Variants in MCC observed in about 807,000 individuals in gnomAD.
MCC encodes the protein colorectal mutant cancer protein.
MCC carries 90 observed loss-of-function variants against 116.2 expected under a neutral mutation model. That is an observed-to-expected ratio of 0.77 (90% confidence interval 0.65 to 0.92). The LOEUF is 0.92. MCC is among the 40% of genes least tolerant of loss of function. The pLI is 0.00. For synonymous variants in MCC, 578 were observed against 510.5 expected (o/e 1.13, Z -1.78); for missense variants, 1,516 against 1,312.2 (o/e 1.16, Z -2.40).
intron 14 of MCC, among the ~76,000 whole-genome samples, chr5:113,061,439 C>T (rs1753209782): frequency 6.6e-6 from 1 of 152,168 alleles, no homozygotes. Context: ...AGTCCTTGTG[C>T]CTCTTTGTCA....
At chr5:113,106,375 T>A (rs978488696) in intron 6 of MCC, among the ~76,000 whole-genome samples, 5 of 147,222 alleles carry the variant, frequency 3.4e-5, no homozygotes, top group African/African-American at 1.3e-4. Flanking sequence ...TTCCCCTCAT[T>A]CACTATGCCC....
intron 3 of MCC, among the ~76,000 whole-genome samples, chr5:113,326,351 A>G (rs1452332903): frequency 1.3e-5 from 2 of 152,224 alleles, no homozygotes. Flanking sequence ...TGGATAATTT[A>G]TAAAGAACAG....
At chr5:113,214,325 C>T (rs535939139) in intron 3 of MCC, among the ~76,000 whole-genome samples, 1 of 152,308 alleles carries the variant, frequency 6.6e-6, no homozygotes, top group East Asian at 1.9e-4. Flanking sequence ...CAGTCCTCTG[C>T]CCAGAGATCC....
At chr5:113,269,269 T>C in intron 3 of MCC, 1 of 934,472 alleles carries the variant, frequency 1.1e-6, no homozygotes, top group Non-Finnish European at 1.3e-6. Flanking sequence ...CAACAGACTC[T>C]ACTGCAGGGA....
At chr5:113,297,607 G>C (rs1175518883) in intron 3 of MCC, among the ~76,000 whole-genome samples, 1 of 151,780 alleles carries the variant, frequency 6.6e-6, no homozygotes, top group Non-Finnish European at 1.5e-5. Context: ...AGGCATGGTG[G>C]TGTGCACCAT....
chr5:113,263,742 T>G (rs1307428772), intron 3 of MCC, among the ~76,000 whole-genome samples: 1 of 152,026 alleles, frequency 6.6e-6, no homozygotes, highest in East Asian at 1.9e-4. Flanking sequence ...CCTACGGGGG[T>G]TATCTCCAGG....
At chr5:113,178,458 A>T (rs953069894) in intron 3 of MCC, among the ~76,000 whole-genome samples, 2 of 152,198 alleles carry the variant, frequency 1.3e-5, no homozygotes, top group Admixed American at 1.3e-4. Context: ...GCCAGGGCAG[A>T]AGATTTATTT....
At chr5:113,171,892 C>T (rs942493752) in intron 3 of MCC, among the ~76,000 whole-genome samples, 2 of 152,192 alleles carry the variant, frequency 1.3e-5, no homozygotes, top group Non-Finnish European at 2.9e-5. Context: ...ATAAGGAAGG[C>T]TCTCCCTTCT....
chr5:113,319,068 C>G (rs899750823), intron 3 of MCC, among the ~76,000 whole-genome samples: 1 of 152,030 alleles, frequency 6.6e-6, no homozygotes, highest in South Asian at 2.1e-4. Flanking sequence ...GGAGTTTTGC[C>G]ATGTTGCCAG....
intron 3 of MCC, among the ~76,000 whole-genome samples, chr5:113,273,149 G>C (rs528786623): frequency 6.6e-6 from 1 of 152,256 alleles, no homozygotes; most frequent in East Asian, 1.9e-4. Context: ...AGTACTGAGG[G>C]GCTGAAGGTG....
At chr5:113,283,402 C>G (rs759413645) in intron 3 of MCC, among the ~76,000 whole-genome samples, 1 of 152,000 alleles carries the variant, frequency 6.6e-6, no homozygotes, top group Non-Finnish European at 1.5e-5. Flanking sequence ...GTATAAATGG[C>G]CAATAAACAC....
rs59377042 is a variant in MCC, at chr5:113,354,802, A to ATTATTATTG, written c.416-14073_416-14072insCAATAATAA. ...ACCCTGTATTATTATTATTATTATT[A>ATTATTATTG]TTATTCAACATCCAGAATTAATGGC... On this transcript the variant is annotated intron_variant, in intron 2 of 18. Coordinates refer to ENST00000408903, the MANE Select transcript of MCC (RefSeq NM_001085377.2). Among the ~76,000 whole-genome samples, 461 of 148,462 alleles carry ATTATTATTG rather than the reference A, an allele frequency of 3.1e-3. 4 individuals carry two copies. Among genetic ancestry groups the ATTATTATTG allele is most frequent in the African/African-American group, 0.011 (429 of 40,438 alleles).
rs568900413 is a variant in MCC at position 113,196,693 on chromosome 5, C to A, written c.628-45271G>T. Reference sequence around the variant, plus strand: ...TGAAACCCCATCTCTATTAAAAATACAAAAAATTAGCCGAGCGTGGTGGCA... The same window carrying A: ...TGAAACCCCATCTCTATTAAAAATAAAAAAAATTAGCCGAGCGTGGTGGCA... On this transcript the variant is annotated intron_variant, in intron 3 of 18. Transcript: ENST00000408903. Among the ~76,000 whole-genome samples the A allele has an allele frequency of 7.5e-3, 1,138 of 152,166 alleles. 18 individuals carry two copies. The highest frequency in any genetic ancestry group is 0.024 in the African/African-American group (1,004 of 41,498).
chr5:113,064,601 T>C (rs1401111357), intron 13 of MCC, among the ~76,000 whole-genome samples: 1 of 152,244 alleles, frequency 6.6e-6, no homozygotes, highest in Non-Finnish European at 1.5e-5. Flanking sequence ...TCTTTCCACA[T>C]GTCTACAGCT....
intron 3 of MCC, among the ~76,000 whole-genome samples, chr5:113,223,379 T>C (rs1763620531): frequency 6.6e-6 from 1 of 152,126 alleles, no homozygotes; most frequent in Non-Finnish European, 1.5e-5. Context: ...ATCCCTAGAG[T>C]TGAAAAGTAC....
intron 17 of MCC, among the ~76,000 whole-genome samples, chr5:113,033,351 T>TTA (rs771726543): frequency 1.3e-5 from 2 of 152,218 alleles, no homozygotes; most frequent in Non-Finnish European, 2.9e-5. Flanking sequence ...CTTTCTGAAT[T>TTA]TATATGCAAA....
intron 8 of MCC, among the ~76,000 whole-genome samples, chr5:113,092,521 C>T (rs950875422): frequency 6.6e-5 from 10 of 152,282 alleles, no homozygotes; most frequent in Non-Finnish European, 8.8e-5. Context: ...TAATTTGTTA[C>T]AGCAGCCACA....
At chr5:113,338,657 A>G (rs1405708015) in intron 3 of MCC, among the ~76,000 whole-genome samples, 1 of 152,246 alleles carries the variant, frequency 6.6e-6, no homozygotes, top group Non-Finnish European at 1.5e-5. Flanking sequence ...CTGTCTTGAG[A>G]AAAGGCTGAG....
chr5:113,108,436 C>T (rs1244319211), intron 6 of MCC, among the ~76,000 whole-genome samples: 2 of 149,688 alleles, frequency 1.3e-5, no homozygotes, highest in South Asian at 2.1e-4. Context: ...GGGCAGATCA[C>T]GAGGTCAGGA....
Sources: allele counts gnomAD v4.1 joint callset (sites outside exome capture counted in the v4.1 genomes callset), GRCh38; gene constraint gnomAD v4.1.1; transcripts MANE v1.5; gene names NCBI Gene and HGNC (gene_info 2026-07-23, HGNC 2026-07-21).